Variants in SNX16 observed in about 807,000 individuals in gnomAD.
The protein encoded by SNX16 is sorting nexin 16.
A neutral mutation model predicts 36.7 loss-of-function variants in SNX16; 35 were observed. That is an observed-to-expected ratio of 0.95 (90% CI 0.73 to 1.27). The LOEUF is 1.27. Ranked by LOEUF, SNX16 falls within the 50% of genes most tolerant of loss-of-function variation. The pLI is 0.00. For synonymous variants in SNX16, 134 were observed against 132.0 expected (o/e 1.02, Z -0.10); for missense variants, 367 against 393.6 (o/e 0.93, Z 0.57).
At chr8:81,810,833 A>T (rs1810206250) in intron 5 of SNX16, among the ~76,000 whole-genome samples, 1 of 152,158 alleles carries the variant, frequency 6.6e-6, no homozygotes, top group Non-Finnish European at 1.5e-5. Context: ...GCTGTGCTCT[A>T]GCCTCGGCCA....
At chr8:81,805,520 A>C (rs1264562135) in intron 5 of SNX16, among the ~76,000 whole-genome samples, 1 of 152,194 alleles carries the variant, frequency 6.6e-6, no homozygotes, top group Admixed American at 6.5e-5. Flanking sequence ...GAAGACTATT[A>C]AAATACACCA....
At chr8:81,803,012 T>C in intron 6 of SNX16, 80 bp downstream of exon 6, 3 of 1,236,816 alleles carry the variant, frequency 2.4e-6, no homozygotes, top group Non-Finnish European at 3.2e-6. Context: ...TCCTAAATCA[T>C]ATTAAAATAT....
At chr8:81,810,997 A>T (rs1810214848) in intron 5 of SNX16, among the ~76,000 whole-genome samples, 1 of 152,162 alleles carries the variant, frequency 6.6e-6, no homozygotes, top group South Asian at 2.1e-4. Context: ...TCAAATTATT[A>T]TTTTTTTGTA....
intron 2 of SNX16, among the ~76,000 whole-genome samples, chr8:81,830,921 T>G (rs1044407163): frequency 6.6e-6 from 1 of 152,056 alleles, no homozygotes; most frequent in Admixed American, 6.6e-5. Flanking sequence ...TACAGACATA[T>G]AAACCAATGG....
At position 81,820,233 on chromosome 8, in the gene SNX16, T is replaced by A. The variant is rs545593829; in HGVS notation, c.611+3559A>T. On this transcript the variant is annotated intron_variant, in intron 4 of 7. Coordinates refer to ENST00000345957, the MANE Select transcript of SNX16 (RefSeq NM_152836.3). ...TTTCCTTTTCTCCCTTAGGAGGGAT[T>A]TCCCCCCCTTCCTTTTTAATTGTAA... Among the ~76,000 whole-genome samples, 451 of 55,328 alleles carry A rather than the reference T, an allele frequency of 8.2e-3. 2 individuals are homozygous for A. Among genetic ancestry groups the A allele is most frequent in the African/African-American group, 0.04 (434 of 10,940 alleles). 36.3% of individuals were successfully genotyped at this position (55,328 alleles called of 152,430 possible).
chr8:81,818,269 G>T (rs543261333), intron 4 of SNX16, among the ~76,000 whole-genome samples: 1 of 151,794 alleles, frequency 6.6e-6, no homozygotes, highest in African/African-American at 2.4e-5. Context: ...GTAAATAACT[G>T]AATTCTTCTT....
In SNX16 at chr8:81,839,751, C is replaced by T. The variant is rs2130778882; in HGVS notation, c.236G>A (p.Gly79Asp). 8 of 1,613,708 alleles carry T rather than the reference C, an allele frequency of 5.0e-6. No individual in the cohort carries two copies. The highest frequency in any genetic ancestry group is 2.2e-5 in the South Asian group (2 of 91,060). ...AGAATACTCAATGGAAGAAGCTGTA[C>T]CTGTAAATTTAGTCCTAATGAGGGG... Reference protein sequence around the residue: ...SSPLIRTKFTGTASSIEYSTR... With the variant: ...SSPLIRTKFTDTASSIEYSTR... The change falls in exon 2 of 8, where the codon GGT becomes GAT. Residue 79 changes from glycine to aspartate, a missense_variant. By Grantham distance (94) the Gly-to-Asp change is moderately conservative (BLOSUM62 -1). Coordinates refer to ENST00000345957, the MANE Select transcript of SNX16 (RefSeq NM_152836.3).
chr8:81,822,634 AAATGTTAAGGGTAGTG>A (rs1810798500), intron 4 of SNX16, among the ~76,000 whole-genome samples: 1 of 151,852 alleles, frequency 6.6e-6, no homozygotes. Flanking sequence ...CTTGCAAGGG[AAATGTTAAGGGTAGTG>A]AAGGATGTGT....
intron 5 of SNX16, among the ~76,000 whole-genome samples, chr8:81,811,203 TG>T (rs1172401620): frequency 1.3e-5 from 2 of 152,112 alleles, no homozygotes; most frequent in Non-Finnish European, 2.9e-5. Flanking sequence ...AGAGACAAAA[TG>T]GTAGCCGAAA....
At chr8:81,833,780 G>T (rs938365439) in intron 2 of SNX16, among the ~76,000 whole-genome samples, 5 of 152,134 alleles carry the variant, frequency 3.3e-5, no homozygotes, top group African/African-American at 1.2e-4. Context: ...TCTAGAAAGT[G>T]CTTTCTACTT....
At chr8:81,808,597 T>TGAAGATGG (rs1411162657) in intron 5 of SNX16, 1 of 959,768 alleles carries the variant, frequency 1.0e-6, no homozygotes. Flanking sequence ...TTTGGACCCA[T>TGAAGATGG]GAAGATGGGA....
chr8:81,830,786 A>G (rs1301004325), intron 2 of SNX16, among the ~76,000 whole-genome samples: 1 of 152,142 alleles, frequency 6.6e-6, no homozygotes, highest in Non-Finnish European at 1.5e-5. Context: ...ACATGGCACC[A>G]AAAAAGAGCT....
At chr8:81,828,308 G>C (rs1330771775) in intron 3 of SNX16, among the ~76,000 whole-genome samples, 1 of 152,080 alleles carries the variant, frequency 6.6e-6, no homozygotes. Flanking sequence ...TTCCAACGCT[G>C]GGTATTATCA....
intron 5 of SNX16, among the ~76,000 whole-genome samples, chr8:81,809,871 A>T (rs1810150491): frequency 6.6e-6 from 1 of 152,112 alleles, no homozygotes; most frequent in African/African-American, 2.4e-5. Flanking sequence ...ATTAACATCC[A>T]CCCCAGTGAG....
At chr8:81,819,472 T>G (rs905837999) in intron 4 of SNX16, among the ~76,000 whole-genome samples, 1 of 152,066 alleles carries the variant, frequency 6.6e-6, no homozygotes, top group Non-Finnish European at 1.5e-5. Flanking sequence ...GCTGGGCCAA[T>G]GATCACTAAT....
intron 5 of SNX16, among the ~76,000 whole-genome samples, chr8:81,807,607 T>C (rs1810025722): frequency 6.8e-6 from 1 of 147,932 alleles, no homozygotes; most frequent in Non-Finnish European, 1.5e-5. Context: ...GAAGAATTAC[T>C]AATTAGTGCA....
intron 5 of SNX16, chr8:81,807,783 A>C: frequency 1.4e-6 from 1 of 716,064 alleles, no homozygotes. Context: ...TGTCTAAGTC[A>C]GAGTCTCCTA....
At position 81,839,996 on chromosome 8, in the gene SNX16, G is replaced by C; in HGVS notation, c.-10C>G. 6.3e-7 allele frequency: 1 copy of C among 1,582,972 alleles called. No homozygotes were observed. Among genetic ancestry groups the C allele is most frequent in the Non-Finnish European group, 8.6e-7 (1 of 1,166,254 alleles). On this transcript the variant is annotated 5_prime_UTR_variant, in exon 2 of 8. Transcript: ENST00000345957. The stretch of plus-strand genomic sequence containing the variant: ...CATAAGGAGTTGCCATCTTCTTTTG[G>C]CTTTTCCAACAAGCTTGCACACTGT...
Position 81,802,737 on chromosome 8 carries a change from G to T in SNX16, c.819-238C>A, listed in dbSNP as rs985051364. 2.6e-5 allele frequency among the ~76,000 whole-genome samples: 4 copies of T among 151,746 alleles called. No individual in the cohort carries two copies. The East Asian group carries it at 7.7e-4, about 29-fold the overall frequency. On this transcript the variant is annotated intron_variant, in intron 6 of 7. Transcript: ENST00000345957. Reference sequence around the variant, plus strand: ...AGATGGCAAACCAGAGCTTTCATATGTGAAAAGCTGGCATAAATGCCTAGA... The same window carrying T: ...AGATGGCAAACCAGAGCTTTCATATTTGAAAAGCTGGCATAAATGCCTAGA...
Sources: allele counts gnomAD v4.1 joint callset (sites outside exome capture counted in the v4.1 genomes callset), GRCh38; gene constraint gnomAD v4.1.1; transcripts MANE v1.5; gene names NCBI Gene and HGNC (gene_info 2026-07-23, HGNC 2026-07-21).